The following ABLIM1 variants were observed in gnomAD, a reference collection of about 807,000 sequenced individuals.
ABLIM1 encodes actin binding LIM protein 1.
Under a neutral mutation model 107.0 loss-of-function variants are expected in ABLIM1, and 40 were observed. That is an observed-to-expected ratio of 0.37 (90% CI 0.29 to 0.49). ABLIM1 has a LOEUF of 0.49. Among genes scored for constraint, ABLIM1 ranks in the 20% least tolerant of loss-of-function variants. ABLIM1 has a pLI of 0.97. For missense variants in ABLIM1, 857 were observed against 1,008.5 expected (o/e 0.85, Z 2.04); for synonymous variants, 357 against 357.3 (o/e 1.00, Z 0.01).
At chr10:114,628,803 C>T (rs12219039) in intron 1 of ABLIM1, among the ~76,000 whole-genome samples, 12,208 of 152,100 alleles carry the variant, frequency 0.08, 919 homozygotes, top group East Asian at 0.43. Flanking sequence ...TTTTCTGTAA[C>T]AAAAATAAAT....
At chr10:114,468,604 CAG>C (rs1480102648) in intron 10 of ABLIM1, among the ~76,000 whole-genome samples, 4 of 151,752 alleles carry the variant, frequency 2.6e-5, no homozygotes, top group African/African-American at 9.7e-5. Flanking sequence ...AGTTGTTTAT[CAG>C]AGTCAGCTGT....
intron 1 of ABLIM1, among the ~76,000 whole-genome samples, chr10:114,669,074 A>C (rs957890453): frequency 2.0e-5 from 3 of 152,368 alleles, no homozygotes; most frequent in South Asian, 2.1e-4. Context: ...TCTTTCATTT[A>C]GGTTATCTTG....
chr10:114,712,248 G>C (rs2081566267), intron 1 of ABLIM1, among the ~76,000 whole-genome samples: 1 of 150,228 alleles, frequency 6.7e-6, no homozygotes, highest in Non-Finnish European at 1.5e-5. Flanking sequence ...AGCTACTCGT[G>C]AGGCTGAGGC....
At chr10:114,438,662 C>A (rs2059764268) in intron 21 of ABLIM1, among the ~76,000 whole-genome samples, 1 of 152,202 alleles carries the variant, frequency 6.6e-6, no homozygotes, top group Admixed American at 6.5e-5. Flanking sequence ...TGGGGCCAGG[C>A]AGGCCCAGAA....
intron 6 of ABLIM1, among the ~76,000 whole-genome samples, chr10:114,510,255 G>T (rs1377551283): frequency 6.6e-6 from 1 of 152,158 alleles, no homozygotes; most frequent in African/African-American, 2.4e-5. Context: ...GTTGCCTGGG[G>T]CCCCTCTAGA....
chr10:114,444,164 A>AG, intron 16 of ABLIM1, 30 bp from the exon 17 acceptor site: 1 of 1,515,364 alleles, frequency 6.6e-7, no homozygotes, highest in Non-Finnish European at 8.9e-7. Context: ...AAAAAAAAAA[A>AG]AAAAGAAAGC....
chr10:114,436,424 C>G (rs753481636), intron 22 of ABLIM1, 51 bp from the exon 23 acceptor site: 2 of 1,384,884 alleles, frequency 1.4e-6, no homozygotes, highest in South Asian at 1.2e-5. Context: ...GATGGCCACA[C>G]AAATGGCCTT....
chr10:114,664,597 G>T (rs10444096), intron 1 of ABLIM1, among the ~76,000 whole-genome samples: 11,130 of 151,644 alleles, frequency 0.073, 475 homozygotes, highest in Middle Eastern at 0.11. Context: ...AGGCTGGAGA[G>T]CAGTGGTGCG....
chr10:114,626,705 C>A (rs1289552058), intron 1 of ABLIM1, among the ~76,000 whole-genome samples: 1 of 152,218 alleles, frequency 6.6e-6, no homozygotes, highest in African/African-American at 2.4e-5. Context: ...CCTCCAAACT[C>A]ATCTATTGAA....
upstream of ABLIM1, among the ~76,000 whole-genome samples, chr10:114,685,318 G>C (rs569042504): frequency 3.3e-5 from 5 of 152,260 alleles, no homozygotes; most frequent in African/African-American, 9.6e-5. Context: ...CTTTAAATGT[G>C]AGGGTAAAAC....
chr10:114,603,471 C>A (rs1164294885), intron 1 of ABLIM1, among the ~76,000 whole-genome samples: 1 of 152,090 alleles, frequency 6.6e-6, no homozygotes, highest in African/African-American at 2.4e-5. Context: ...AATTCACCTG[C>A]AATTCCTTAT....
At chr10:114,544,420 C>T (rs750288780) in intron 6 of ABLIM1, among the ~76,000 whole-genome samples, 21 of 152,206 alleles carry the variant, frequency 1.4e-4, no homozygotes, top group African/African-American at 2.7e-4. Flanking sequence ...GCCTGTGTGG[C>T]GGCTGCTGAG....
intron 1 of ABLIM1, among the ~76,000 whole-genome samples, chr10:114,745,659 C>T (rs967372769): frequency 6.6e-6 from 1 of 152,174 alleles, no homozygotes; most frequent in Non-Finnish European, 1.5e-5. Flanking sequence ...CACCTGAGGT[C>T]AGGAGTTCAA....
At chr10:114,646,056 T>C (rs1171710492) in intron 1 of ABLIM1, among the ~76,000 whole-genome samples, 3 of 151,918 alleles carry the variant, frequency 2.0e-5, no homozygotes, top group African/African-American at 7.3e-5. Context: ...GTAGGTCTCT[T>C]CCTTTCCTTT....
intron 6 of ABLIM1, among the ~76,000 whole-genome samples, chr10:114,521,891 C>T (rs1014166363): frequency 6.6e-6 from 1 of 152,104 alleles, no homozygotes; most frequent in African/African-American, 2.4e-5. Context: ...CCATGAAGAA[C>T]CTAAAACAGA....
intron 1 of ABLIM1, among the ~76,000 whole-genome samples, chr10:114,767,359 C>T (rs181208153): frequency 7.2e-5 from 11 of 152,318 alleles, no homozygotes; most frequent in African/African-American, 2.6e-4. Context: ...TGCTCGCAAG[C>T]TGCAGAATGA....
At chr10:114,664,980 C>T (rs926284617) in intron 1 of ABLIM1, among the ~76,000 whole-genome samples, 39 of 151,676 alleles carry the variant, frequency 2.6e-4, no homozygotes, top group African/African-American at 9.2e-4. Flanking sequence ...TAGCCGGGTG[C>T]GGTGGCAGGT....
chr10:114,486,785 A>C (rs1281690626), intron 8 of ABLIM1, among the ~76,000 whole-genome samples: 2 of 152,290 alleles, frequency 1.3e-5, no homozygotes, highest in Admixed American at 1.3e-4. Context: ...GTTCAGGGTC[A>C]CAGGCAAGGG....
intron 1 of ABLIM1, among the ~76,000 whole-genome samples, chr10:114,676,277 G>C (rs979851619): frequency 6.6e-6 from 1 of 152,200 alleles, no homozygotes; most frequent in Non-Finnish European, 1.5e-5. Context: ...AGTAGATTGA[G>C]AGCAGCCTGG....
Sources: allele counts gnomAD v4.1 joint callset (sites outside exome capture counted in the v4.1 genomes callset), GRCh38; gene constraint gnomAD v4.1.1; transcripts MANE v1.5; gene names NCBI Gene and HGNC (gene_info 2026-07-23, HGNC 2026-07-21).